The following SENP6 variants were observed in gnomAD, a reference collection of about 807,000 sequenced individuals.
SENP6 encodes the protein SUMO specific peptidase 6.
A neutral mutation model predicts 134.5 loss-of-function variants in SENP6; 41 were observed. The observed-to-expected ratio is 0.30, with a 90% CI of 0.24 to 0.40. The LOEUF is 0.40. Among genes scored for constraint, SENP6 ranks in the 10% least tolerant of loss-of-function variants. SENP6 has a pLI of 1.00. For synonymous variants in SENP6, 395 were observed against 429.8 expected (o/e 0.92, Z 1.00); for missense variants, 1,248 against 1,312.5 (o/e 0.95, Z 0.76).
chr6:75,651,682 G>A (rs1582769296), intron 7 of SENP6, among the ~76,000 whole-genome samples: 1 of 152,000 alleles, frequency 6.6e-6, no homozygotes, highest in Non-Finnish European at 1.5e-5. Flanking sequence ...CATGGTAGCT[G>A]TTGTTAATAT....
At chr6:75,616,877 T>A (rs1400454472) in intron 1 of SENP6, among the ~76,000 whole-genome samples, 1 of 152,194 alleles carries the variant, frequency 6.6e-6, no homozygotes, top group Non-Finnish European at 1.5e-5. Context: ...TTTATTTATG[T>A]ATTTTTGAGA....
chr6:75,699,354 CTTTTTT>C (rs71544060), intron 18 of SENP6, among the ~76,000 whole-genome samples: 13,497 of 115,024 alleles, frequency 0.12, 688 homozygotes, highest in Middle Eastern at 0.15. Flanking sequence ...TTTGTTTTTG[CTTTTTT>C]TTTTTTTTTT....
intron 2 of SENP6, 125 bp downstream of exon 2, chr6:75,621,750 C>A: frequency 1.8e-6 from 1 of 566,918 alleles, no homozygotes; most frequent in South Asian, 2.6e-5. Context: ...AACTCTTTCA[C>A]AGTCGCTTTA....
intron 7 of SENP6, among the ~76,000 whole-genome samples, chr6:75,654,591 C>T (rs1313816376): frequency 3.3e-5 from 5 of 152,192 alleles, no homozygotes; most frequent in Admixed American, 3.3e-4. Flanking sequence ...GTAGCAGCTA[C>T]ATGATGGAGA....
chr6:75,610,968 CT>C (rs529682224), intron 1 of SENP6: 4 of 152,128 alleles, frequency 2.6e-5, no homozygotes, highest in Non-Finnish European at 4.4e-5. Flanking sequence ...GGTAAATTCA[CT>C]TTTCATTTTT....
At chr6:75,683,643 T>C (rs1398206240) in intron 16 of SENP6, among the ~76,000 whole-genome samples, 1 of 151,906 alleles carries the variant, frequency 6.6e-6, no homozygotes, top group Admixed American at 6.6e-5. Flanking sequence ...GCACCATTTA[T>C]TAAATAGGGA....
At chr6:75,626,838 C>T (rs1272993575) in intron 3 of SENP6, among the ~76,000 whole-genome samples, 1 of 152,184 alleles carries the variant, frequency 6.6e-6, no homozygotes, top group Non-Finnish European at 1.5e-5. Context: ...ATAGCACCTT[C>T]ACATATTTCC....
chr6:75,642,937 G>A (rs1283495929), intron 6 of SENP6, among the ~76,000 whole-genome samples: 1 of 152,078 alleles, frequency 6.6e-6, no homozygotes, highest in East Asian at 1.9e-4. Flanking sequence ...CAATCTTTTT[G>A]GTGGGGGAGG....
chr6:75,640,978 C>T (rs1769984422), intron 6 of SENP6, among the ~76,000 whole-genome samples: 1 of 152,012 alleles, frequency 6.6e-6, no homozygotes, highest in South Asian at 2.1e-4. Flanking sequence ...ATTCAAAGTC[C>T]CTTTTTCTGG....
At chr6:75,617,119 T>G (rs1347686667) in intron 1 of SENP6, among the ~76,000 whole-genome samples, 1 of 151,990 alleles carries the variant, frequency 6.6e-6, no homozygotes, top group Admixed American at 6.6e-5. Context: ...GCTAAAGTGA[T>G]CTGCCCACTT....
At chr6:75,650,430 A>G (rs1299101775) in intron 7 of SENP6, among the ~76,000 whole-genome samples, 3 of 152,174 alleles carry the variant, frequency 2.0e-5, no homozygotes, top group Non-Finnish European at 4.4e-5. Flanking sequence ...TTTAGCATCC[A>G]TTGGTGGGTC....
At chr6:75,663,889 C>T (rs1771980691) in intron 9 of SENP6, among the ~76,000 whole-genome samples, 1 of 150,834 alleles carries the variant, frequency 6.6e-6, no homozygotes, top group Non-Finnish European at 1.5e-5. Flanking sequence ...ATACAATATC[C>T]TTACCACATT....
chr6:75,711,082 T>C (rs1385125056), intron 20 of SENP6, among the ~76,000 whole-genome samples: 2 of 152,208 alleles, frequency 1.3e-5, no homozygotes, highest in Admixed American at 6.5e-5. Flanking sequence ...TTATTCTAGA[T>C]TGAGTAAATA....
At chr6:75,633,235 T>C (rs1055145452) in intron 3 of SENP6, among the ~76,000 whole-genome samples, 4 of 152,188 alleles carry the variant, frequency 2.6e-5, no homozygotes, top group African/African-American at 9.6e-5. Context: ...TTGGCTGTAG[T>C]GTTCTCCAGA....
At chr6:75,644,254 G>A (rs1770251497) in intron 6 of SENP6, 2 of 151,490 alleles carry the variant, frequency 1.3e-5, no homozygotes, top group South Asian at 2.1e-4. Flanking sequence ...AAAGGGAAAC[G>A]GGAGCCAACT....
rs1173501247 is a variant in SENP6, at chr6:75,616,835, CAT to C, written c.53-4695_53-4694del. ...ACGACGTCTCTTTTGACTTTTGAAACATAGGTTCATTTTACATTGTGTTTTTA... is the reference window on the plus strand; with the variant it reads ...ACGACGTCTCTTTTGACTTTTGAAACAGGTTCATTTTACATTGTGTTTTTA... On this transcript the variant is annotated intron_variant, in intron 1 of 23. Coordinates refer to ENST00000447266, the MANE Select transcript of SENP6 (RefSeq NM_015571.4). Among the ~76,000 whole-genome samples, 10 of 150,638 alleles carry C rather than the reference CAT, an allele frequency of 6.6e-5. No individual in the cohort carries two copies. The East Asian group carries it at 1.8e-3, about 26-fold the overall frequency.
chr6:75,610,764 A>G (rs552168972), intron 1 of SENP6, among the ~76,000 whole-genome samples: 6 of 152,200 alleles, frequency 3.9e-5, no homozygotes, highest in East Asian at 1.9e-4. Flanking sequence ...GAAAACAGCT[A>G]TGTTCTGATC....
chr6:75,704,406 A>C (rs1005064117), intron 19 of SENP6, among the ~76,000 whole-genome samples: 2 of 152,250 alleles, frequency 1.3e-5, no homozygotes, highest in African/African-American at 4.8e-5. Flanking sequence ...ATGTGCACGT[A>C]GGCCAGATTT....
chr6:75,676,994 G>C (rs1375180302), intron 13 of SENP6, 36 bp from the exon 14 acceptor site: 1 of 944,484 alleles, frequency 1.1e-6, no homozygotes, highest in Non-Finnish European at 1.6e-6. Context: ...TACTTCTTTT[G>C]TGTTTTTTTT....
Sources: allele counts gnomAD v4.1 joint callset (sites outside exome capture counted in the v4.1 genomes callset), GRCh38; gene constraint gnomAD v4.1.1; transcripts MANE v1.5; gene names NCBI Gene and HGNC (gene_info 2026-07-23, HGNC 2026-07-21).